The following CHPF2 variants were observed in gnomAD, a reference collection of about 807,000 sequenced individuals.
CHPF2 encodes the protein chondroitin polymerizing factor 2, non-catalytic subunit.
CHPF2 carries 58 observed loss-of-function variants against 63.0 expected under a neutral mutation model. The observed-to-expected ratio is 0.92, with a 90% CI of 0.75 to 1.15. The LOEUF (loss-of-function observed/expected upper bound fraction) is 1.15, where lower values mean the gene tolerates loss of function less well. Among genes scored for constraint, CHPF2 ranks in the 50% most tolerant of loss-of-function variants. The pLI is 0.00. For synonymous variants in CHPF2, 442 were observed against 438.0 expected (o/e 1.01, Z -0.11); for missense variants, 1,045 against 1,035.4 (o/e 1.01, Z -0.13).
rs1409390521 is a variant in CHPF2, at chr7:151,235,587, G to A, written c.803G>A (p.Gly268Asp). The change falls in exon 2 of 4, where the codon GGC (glycine) becomes GAC (aspartate). Residue 268 changes from glycine to aspartate, a missense_variant. Coordinates refer to ENST00000035307, the MANE Select transcript of CHPF2 (RefSeq NM_019015.3). ...GGACGCTGCCTCATTGACTCTCTGG[G>A]CGTCGGCTGTGTCTCACAGCACCAG... ...WLGRCLIDSL[G>D]VGCVSQHQGQ... is the part of the protein sequence containing the mutation. 1 of 1,606,210 alleles carries A rather than the reference G, an allele frequency of 6.2e-7. No individual in the cohort carries two copies. Among genetic ancestry groups the A allele is most frequent in the Non-Finnish European group, 8.5e-7 (1 of 1,178,000 alleles).
rs141615629 is a variant in CHPF2 at position 151,237,384 on chromosome 7, G to A, written c.1022G>A (p.Arg341Gln). The stretch of plus-strand genomic sequence containing the variant: ...TTCCCTCCAACCCAGGCTCAGATCC[G>A]GAACCTGACCGTGCTGACCCCCGAA... ...SEIEQLQAQI[R>Q]NLTVLTPEGE... is the part of the protein sequence containing the mutation. Residue 341 changes from arginine (R) to glutamine (Q), a missense_variant, in exon 4 of 4, where the codon CGG becomes CAG. Transcript: ENST00000035307. 31 of 1,593,344 alleles carry A rather than the reference G, an allele frequency of 1.9e-5. No homozygotes were observed. The highest frequency in any genetic ancestry group is 1.7e-4 in the South Asian group (15 of 89,776).
At chr7:151,235,941 G>A (rs1383900728) in intron 2 of CHPF2, among the ~76,000 whole-genome samples, 2 of 152,224 alleles carry the variant, frequency 1.3e-5, no homozygotes, top group East Asian at 3.8e-4. Context: ...CTCCAGAGAA[G>A]TGAGGTGATC....
chr7:151,238,159 T>C lies in CHPF2; in HGVS notation c.1797T>C (p.Pro599=). ...TCCTTACCACCGTGTGGACAAGGCC[T>C]GGGCCCGAAGTCCTCAACCGCTGTC... is the stretch of plus-strand genomic sequence containing the variant. ...LFFLTTVWTR[P]GPEVLNRCRM... Residue 599 remains proline (P), a synonymous_variant, in exon 4 of 4, where the codon CCT becomes CCC. Transcript: ENST00000035307. 6.2e-7 allele frequency: 1 copy of C among 1,612,674 alleles called. No individual in the cohort carries two copies. The highest frequency in any genetic ancestry group is 8.5e-7 in the Non-Finnish European group (1 of 1,180,018).
intron 3 of CHPF2, among the ~76,000 whole-genome samples, 200 bp downstream of exon 3, chr7:151,236,790 C>T (rs1040719867): frequency 1.8e-4 from 28 of 152,190 alleles, no homozygotes; most frequent in African/African-American, 6.3e-4. Context: ...CCAAAGCAAT[C>T]ATAAGGTAAG....
In CHPF2 at chr7:151,233,850, G is replaced by A. The variant is rs146474219; in HGVS notation, c.-162G>A. ...TGTGAAGACAGGACAATCTTCTTGGGGATGCTGGTCCTGGAAGCCAGCGGG... is the reference window on the plus strand; with the variant it reads ...TGTGAAGACAGGACAATCTTCTTGGAGATGCTGGTCCTGGAAGCCAGCGGG... On this transcript the variant is annotated 5_prime_UTR_variant, in exon 1 of 4. Coordinates refer to ENST00000035307, the MANE Select transcript of CHPF2 (RefSeq NM_019015.3). 42 of 1,267,980 alleles carry A rather than the reference G, an allele frequency of 3.3e-5. No individual in the cohort carries two copies. The East Asian group carries it at 1.3e-3, about 38-fold the overall frequency. 78.5% of individuals were successfully genotyped at this position (1,267,980 alleles called of 1,614,324 possible). A position where few individuals can be genotyped will look rare whatever the true frequency, so the allele number is the denominator to read the frequency against.
Position 151,238,387 on chromosome 7 carries a change from CA to C in CHPF2, c.2027del (p.Asn676ThrfsTer29), listed in dbSNP as rs1802763247. On this transcript the variant is annotated frameshift_variant, in exon 4 of 4. Transcript: ENST00000035307. LOFTEE classifies it high-confidence loss of function. ...RQASAEGCFY[N>X]ADYLAARARL... ...AGGCTTCTGCGGAGGGCTGCTTCTA[CA>C]ACGCTGACTACCTGGCGGCCCGAGC... is the stretch of plus-strand genomic sequence containing the variant. 6.2e-7 allele frequency: 1 copy of C among 1,606,928 alleles called. No individual in the cohort carries two copies. The highest frequency in any genetic ancestry group is 1.1e-5 in the South Asian group (1 of 90,372).
rs201869525 is a variant in CHPF2 at position 151,236,420 on chromosome 7, C to T, written c.841C>T (p.Arg281Cys). ...CVSQHQGQQY[R>C]SFELAKNRDP... ...ATTGTCCCTCTAGGGGCAGCAGTATCGCTCATTTGAACTGGCCAAAAATAG... is the reference window on the plus strand; with the variant it reads ...ATTGTCCCTCTAGGGGCAGCAGTATTGCTCATTTGAACTGGCCAAAAATAG... Residue 281 changes from arginine (R) to cysteine (C), a missense_variant, in exon 3 of 4, where the codon CGC becomes TGC. Arg to Cys is a radical substitution (Grantham distance 180). Coordinates refer to ENST00000035307, the MANE Select transcript of CHPF2 (RefSeq NM_019015.3). 66 of 1,582,760 alleles carry T rather than the reference C, an allele frequency of 4.2e-5. No homozygotes were observed. In the African/African-American group the frequency reaches 7.3e-4, roughly 17 times the overall value.
rs758366194 is a variant in CHPF2, at chr7:151,234,159, G to C, written c.148G>C (p.Gly50Arg). The change falls in exon 1 of 4, where the codon GGA (glycine) becomes CGA (arginine). Residue 50 changes from glycine to arginine, a missense_variant. By Grantham distance (125) the Gly-to-Arg change is moderately radical. Transcript: ENST00000035307. ...CTGTGTCGAGGCTGTAGGGGAGCGAGGAGGGCCACAGAATCCAGATTCCAG... is the reference window on the plus strand; with the variant it reads ...CTGTGTCGAGGCTGTAGGGGAGCGACGAGGGCCACAGAATCCAGATTCCAG... ...DPCVEAVGERGGPQNPDSRAR... is the reference protein window; with the variant it reads ...DPCVEAVGERRGPQNPDSRAR... 4 of 1,613,712 alleles carry C rather than the reference G, an allele frequency of 2.5e-6. No homozygotes were observed. Among genetic ancestry groups the C allele is most frequent in the South Asian group, 2.2e-5 (2 of 91,050 alleles).
rs1445238214 is a variant in CHPF2, at chr7:151,233,660, TC to T, written c.-350del. ...CCCAGTCTGCAGATGTGTGTAGTGT[TC>T]CTTTTTGGGTTAGCTTTGGCAGTAT... is the stretch of plus-strand genomic sequence containing the variant. On this transcript the variant is annotated 5_prime_UTR_variant, in exon 1 of 4. An upstream open reading frame in the 5' UTR gains an earlier in-frame stop. Transcript: ENST00000035307. The T allele has an allele frequency of 9.7e-7, 1 of 1,030,306 alleles. No homozygotes were observed. Among genetic ancestry groups the T allele is most frequent in the East Asian group, 8.3e-5 (1 of 12,066 alleles). The allele number at this position is 1,030,306 out of a possible 1,614,324, so 63.8% of individuals were successfully genotyped here.
chr7:151,234,773 G>A (rs1354040513), intron 1 of CHPF2, among the ~76,000 whole-genome samples: 1 of 152,132 alleles, frequency 6.6e-6, no homozygotes, highest in Non-Finnish European at 1.5e-5. Flanking sequence ...TTACAGGCGT[G>A]AGCTACCGTG....
rs1326520859 is a variant in CHPF2 at position 151,238,208 on chromosome 7, C to T, written c.1846C>T (p.Gln616Ter). 6.2e-7 allele frequency: 1 copy of T among 1,613,054 alleles called. No homozygotes were observed. Among genetic ancestry groups the T allele is most frequent in the East Asian group, 2.2e-5 (1 of 44,888 alleles). The change falls in exon 4 of 4, where the codon CAG (glutamine) becomes TAG (stop). Residue 616 changes from glutamine (Q) to a stop codon, truncating the protein, a stop_gained. Coordinates refer to ENST00000035307, the MANE Select transcript of CHPF2 (RefSeq NM_019015.3). LOFTEE classifies it high-confidence loss of function. ...RCRMNAISGW[Q>*]AFFPVHFQEF... ...TCGCATGAATGCCATCTCTGGCTGG[C>T]AGGCCTTCTTTCCAGTCCATTTCCA...
Position 151,235,574 on chromosome 7 carries a change from A to C in CHPF2, c.790A>C (p.Ile264Leu), listed in dbSNP as rs763862689. 4.0e-5 allele frequency: 65 copies of C among 1,608,418 alleles called. No homozygotes were observed. The South Asian group carries it at 6.9e-4, about 17-fold the overall frequency. Residue 264 changes from isoleucine (I) to leucine (L), a missense_variant, in exon 2 of 4, where the codon ATT (isoleucine) becomes CTT (leucine). Transcript: ENST00000035307. ...TGACGAGTGGCTTGGACGCTGCCTC[A>C]TTGACTCTCTGGGCGTCGGCTGTGT... ...RPDEWLGRCLIDSLGVGCVSQ... is the reference protein window; with the variant it reads ...RPDEWLGRCLLDSLGVGCVSQ...
rs951189928 is a variant in CHPF2, at chr7:151,238,477, G to A, written c.2115G>A (p.Met705Ile). Residue 705 changes from methionine to isoleucine, a missense_variant, in exon 4 of 4, where the codon ATG (methionine) becomes ATA (isoleucine). Coordinates refer to ENST00000035307, the MANE Select transcript of CHPF2 (RefSeq NM_019015.3). ...AAGCCCTGGAGGGGCTGGAGGTGAT[G>A]GATGTTTTCCTCCGGTTCTCAGGGC... ...EEEALEGLEV[M>I]DVFLRFSGLH... 3 of 1,588,680 alleles carry A rather than the reference G, an allele frequency of 1.9e-6. No individual in the cohort carries two copies. Among genetic ancestry groups the A allele is most frequent in the Admixed American group, 3.5e-5 (2 of 57,616 alleles).
In CHPF2 at chr7:151,238,214, T is replaced by G. The variant is rs761117775; in HGVS notation, c.1852T>G (p.Phe618Val). 6 of 1,612,822 alleles carry G rather than the reference T, an allele frequency of 3.7e-6. No individual in the cohort carries two copies. The African/African-American group carries it at 6.7e-5, about 18-fold the overall frequency. ...GAATGCCATCTCTGGCTGGCAGGCC[T>G]TCTTTCCAGTCCATTTCCAGGAGTT... Reference protein sequence around the residue: ...RMNAISGWQAFFPVHFQEFNP... With the variant: ...RMNAISGWQAVFPVHFQEFNP... The change falls in exon 4 of 4, where the codon TTC becomes GTC. Residue 618 changes from phenylalanine to valine, a missense_variant. Physicochemically the swap from Phe to Val is conservative, Grantham distance 50. Coordinates refer to ENST00000035307, the MANE Select transcript of CHPF2 (RefSeq NM_019015.3).
chr7:151,233,151 G>A lies in CHPF2; in HGVS notation c.-861G>A, dbSNP rs529264279. 3 of 1,083,042 alleles carry A rather than the reference G, an allele frequency of 2.8e-6. No homozygotes were observed. The highest frequency in any genetic ancestry group is 5.9e-5 in the East Asian group (1 of 16,916). 67.1% of individuals were successfully genotyped at this position (1,083,042 alleles called of 1,614,324 possible). A position where few individuals can be genotyped will look rare whatever the true frequency, so the allele number is the denominator to read the frequency against. ...GCTTCATTTGGCCCCTGGGGCCCTG[G>A]TAAAACCAGGCACCGAATCGCTCGC... On this transcript the variant is annotated 5_prime_UTR_variant, in exon 1 of 4. Transcript: ENST00000035307.
Position 151,232,797 on chromosome 7 carries a change from G to A in CHPF2, c.-1215G>A. 1 of 1,501,894 alleles carries A rather than the reference G, an allele frequency of 6.7e-7. No homozygotes were observed. Among genetic ancestry groups the A allele is most frequent in the Non-Finnish European group, 8.8e-7 (1 of 1,132,094 alleles). 93.0% of individuals were successfully genotyped at this position (1,501,894 alleles called of 1,614,324 possible). Reference sequence around the variant, plus strand: ...CTCTGGCGCGGCCTCCGCTCCCGCCGACTGGCCTGAGAACGAGGTCTGTGC... The same window carrying A: ...CTCTGGCGCGGCCTCCGCTCCCGCCAACTGGCCTGAGAACGAGGTCTGTGC... On this transcript the variant is annotated 5_prime_UTR_variant, in exon 1 of 4. Transcript: ENST00000035307.
rs1204964992 is a variant in CHPF2 at position 151,233,985 on chromosome 7, G to A, written c.-27G>A. 1 of 1,475,870 alleles carries A rather than the reference G, an allele frequency of 6.8e-7. No individual in the cohort carries two copies. Among genetic ancestry groups the A allele is most frequent in the South Asian group, 1.4e-5 (1 of 69,776 alleles). 91.4% of individuals were successfully genotyped at this position (1,475,870 alleles called of 1,614,324 possible). A position where few individuals can be genotyped will look rare whatever the true frequency, so the allele number is the denominator to read the frequency against. On this transcript the variant is annotated 5_prime_UTR_variant, in exon 1 of 4. Coordinates refer to ENST00000035307, the MANE Select transcript of CHPF2 (RefSeq NM_019015.3). The stretch of plus-strand genomic sequence containing the variant: ...TTGATCCTTGAGGCTGTGCCCCTGG[G>A]GCACCCACCTGGCAGGGCCTACCAC...
chr7:151,238,675 C>T lies in CHPF2; in HGVS notation c.2313C>T (p.Ser771=), dbSNP rs61745936. The T allele has an allele frequency of 3.5e-3, 5,668 of 1,608,788 alleles. 132 individuals carry two copies. In the African/African-American group the frequency reaches 0.058, roughly 16 times the overall value. ...MALFEQEQAN[S]T ...TCTTTGAGCAGGAGCAGGCCAATAG[C>T]ACTTAGCCCGCCTGGGGGCCCTAAC... Residue 771 remains serine (S), a synonymous_variant, in exon 4 of 4, where the codon AGC becomes AGT. Transcript: ENST00000035307.
intron 3 of CHPF2, 71 bp downstream of exon 3, chr7:151,236,661 C>T (rs1802661569): frequency 4.3e-6 from 6 of 1,388,006 alleles, no homozygotes; most frequent in Middle Eastern, 2.4e-4. Flanking sequence ...GATGTCCAGG[C>T]GTGCAATGAA....
Sources: gnomAD v4.1 joint callset for allele counts (sites outside exome capture counted in the v4.1 genomes callset) on GRCh38, gnomAD v4.1.1 for gene constraint, MANE v1.5 for transcripts, NCBI Gene and HGNC (gene_info 2026-07-23, HGNC 2026-07-21) for gene names.